The following F12 variants were observed in gnomAD, a reference collection of about 807,000 sequenced individuals.
F12 encodes the protein coagulation factor XII, also known as Hageman factor.
A neutral mutation model predicts 74.8 loss-of-function variants in F12; 70 were observed. The observed-to-expected ratio is 0.94, with a 90% CI of 0.77 to 1.14. F12 has a LOEUF of 1.14. F12 is among the 50% of genes most tolerant of loss of function. F12 has a pLI of 0.00. For missense variants in F12, 811 were observed against 835.7 expected, an observed-to-expected ratio of 0.97 and a Z score of 0.36; for synonymous variants, 373 against 356.4, an observed-to-expected ratio of 1.05 and a Z score of -0.52.
At chr5:177,404,962 C>A (rs756764816) in intron 6 of F12, 48 bp from the exon 7 acceptor site, 2 of 1,585,962 alleles carry the variant, frequency 1.3e-6, no homozygotes, top group Admixed American at 1.8e-5. Flanking sequence ...AAGACCCCCC[C>A]AGAGAGCTCT....
chr5:177,405,114 C>T lies in F12; in HGVS notation c.469G>A (p.Ala157Thr). ...CCCTTGCACTGGCATCTGGCCACAG[C>T]TGCTTGCTCAGTTCTATACCATATC... ...NEIWYRTEQAAVARCQCKGPD... is the reference protein window; with the variant it reads ...NEIWYRTEQATVARCQCKGPD... Residue 157 changes from alanine (A) to threonine (T), a missense_variant, in exon 6 of 14, where the codon GCT becomes ACT. Transcript: ENST00000253496. 6.2e-7 allele frequency: 1 copy of T among 1,613,830 alleles called. No individual in the cohort carries two copies. Among genetic ancestry groups the T allele is most frequent in the South Asian group, 1.1e-5 (1 of 91,086 alleles).
chr5:177,405,220 T>C, intron 5 of F12, 35 bp from the exon 6 acceptor site: 1 of 1,613,348 alleles, frequency 6.2e-7, no homozygotes, highest in Non-Finnish European at 8.5e-7. Flanking sequence ...CTCAGGAGAG[T>C]CTAGGACCAT....
intron 12 of F12, 141 bp downstream of exon 12, chr5:177,403,113 C>A: frequency 9.2e-7 from 1 of 1,086,154 alleles, no homozygotes; most frequent in Admixed American, 2.1e-5. Context: ...TGGGATTCAC[C>A]TACACATTCT....
intron 2 of F12, 68 bp downstream of exon 2, chr5:177,408,978 G>T: frequency 6.8e-7 from 1 of 1,468,360 alleles, no homozygotes; most frequent in Non-Finnish European, 9.3e-7. Context: ...ACTGCCCTGA[G>T]ACTGCACACA....
Position 177,409,558 on chromosome 5 carries a change from C to G in F12, c.-31G>C. Reference sequence around the variant, plus strand: ...CCGTCCGTTGGTCCAGCTGCCTATCCAGGAGTCCAGATCAATAGGACTGGC... The same window carrying G: ...CCGTCCGTTGGTCCAGCTGCCTATCGAGGAGTCCAGATCAATAGGACTGGC... On this transcript the variant is annotated 5_prime_UTR_variant, in exon 1 of 14. Coordinates refer to ENST00000253496, the MANE Select transcript of F12 (RefSeq NM_000505.4). 1 of 1,611,414 alleles carries G rather than the reference C, an allele frequency of 6.2e-7. No individual in the cohort carries two copies. Among genetic ancestry groups the G allele is most frequent in the Non-Finnish European group, 8.5e-7 (1 of 1,177,826 alleles).
chr5:177,405,860 C>G (rs1434990554), intron 3 of F12, 55 bp from the exon 4 acceptor site: 17 of 1,605,270 alleles, frequency 1.1e-5, no homozygotes, highest in Non-Finnish European at 1.5e-5. Context: ...CCCACCCTGC[C>G]CTATCACAGT....
rs1487612411 is a variant in F12 at position 177,404,608 on chromosome 5, T to G, written c.691A>C (p.Thr231Pro). 1 of 1,607,508 alleles carries G rather than the reference T, an allele frequency of 6.2e-7. No homozygotes were observed. The highest frequency in any genetic ancestry group is 8.5e-7 in the Non-Finnish European group (1 of 1,179,440). ...RGLSYRGLARTTLSGAPCQPW... is the reference protein window; with the variant it reads ...RGLSYRGLARPTLSGAPCQPW... ...TGACAGGGCGCACCCGAGAGCGTGG[T>G]CCTGGCCAGGCCGCGGTAGCTGAGC... is the stretch of plus-strand genomic sequence containing the variant. The change falls in exon 8 of 14, where the codon ACC becomes CCC. Residue 231 changes from threonine (T) to proline (P), a missense_variant. By Grantham distance (38) the Thr-to-Pro change is conservative. Coordinates refer to ENST00000253496, the MANE Select transcript of F12 (RefSeq NM_000505.4).
chr5:177,404,172 TC>T (rs1763221736), intron 9 of F12, 23 bp downstream of exon 9: 8 of 1,537,436 alleles, frequency 5.2e-6, no homozygotes, highest in Non-Finnish European at 7.0e-6. Flanking sequence ...TCTCGGCTCC[TC>T]CTTCCCCCCC....
Position 177,403,964 on chromosome 5 carries a change from C to T in F12, c.1145G>A (p.Gly382Glu), listed in dbSNP as rs1356474224. Reference protein sequence around the residue: ...RVVGGLVALRGAHPYIAALYW... With the variant: ...RVVGGLVALREAHPYIAALYW... Reference sequence around the variant, plus strand: ...CAGCGCGGCGATGTAGGGGTGCGCCCCGCGTAGCGCCACCAGCCCGCCAAC... The same window carrying T: ...CAGCGCGGCGATGTAGGGGTGCGCCTCGCGTAGCGCCACCAGCCCGCCAAC... The change falls in exon 10 of 14, where the codon GGG becomes GAG. Residue 382 changes from glycine (G) to glutamate (E), a missense_variant. Coordinates refer to ENST00000253496, the MANE Select transcript of F12 (RefSeq NM_000505.4). 1.2e-6 allele frequency: 2 copies of T among 1,602,250 alleles called. No individual in the cohort carries two copies. Among genetic ancestry groups the T allele is most frequent in the Admixed American group, 1.7e-5 (1 of 59,750 alleles).
At chr5:177,403,677 A>C (rs1241385608) in intron 10 of F12, 60 bp from the exon 11 acceptor site, 1 of 1,576,366 alleles carries the variant, frequency 6.3e-7, no homozygotes, top group Non-Finnish European at 8.6e-7. Context: ...GTTCTGGGGA[A>C]GCCCCCTGCT....
chr5:177,402,957 C>T, intron 12 of F12: 1 of 675,206 alleles, frequency 1.5e-6, no homozygotes. Context: ...ACCTGGCTCC[C>T]ACACTAGCCC....
Position 177,404,179 on chromosome 5 carries a change from C to A in F12, c.1018+17G>T. The A allele has an allele frequency of 6.3e-7, 1 of 1,590,416 alleles. No homozygotes were observed. Among genetic ancestry groups the A allele is most frequent in the Non-Finnish European group, 8.6e-7 (1 of 1,168,064 alleles). On this transcript the variant is annotated intron_variant, in intron 9 of 13. Transcript: ENST00000253496. ...CGGCGCCCTCTCGGCTCCTCCTTCCCCCCCCCACTTCCTAACCTCCCGGGG... is the reference window on the plus strand; with the variant it reads ...CGGCGCCCTCTCGGCTCCTCCTTCCACCCCCCACTTCCTAACCTCCCGGGG...
intron 1 of F12, 101 bp downstream of exon 1, chr5:177,409,370 T>A: frequency 7.1e-7 from 1 of 1,403,258 alleles, no homozygotes. Flanking sequence ...GGCCTCCTAG[T>A]CACCTGGACC....
Position 177,404,823 on chromosome 5 carries a change from G to A in F12, c.621C>T (p.Ala207=), listed in dbSNP as rs897277779. Residue 207 remains alanine (A), a synonymous_variant, in exon 7 of 14, where the codon GCC becomes GCT. Coordinates refer to ENST00000253496, the MANE Select transcript of F12 (RefSeq NM_000505.4). The part of the protein sequence containing the change: ...LCHCPVGYTG[A]FCDVDTKASC... ...ACCCTCACTCACCCACGTCGCAGAA[G>A]GCTCCGGTGTAGCCCACCGGGCAGT... 3 of 1,607,716 alleles carry A rather than the reference G, an allele frequency of 1.9e-6. No homozygotes were observed. The Admixed American group carries it at 5.0e-5, about 27-fold the overall frequency.
intron 2 of F12, 85 bp downstream of exon 2, chr5:177,408,961 A>T: frequency 7.6e-7 from 1 of 1,318,522 alleles, no homozygotes; most frequent in Non-Finnish European, 1.1e-6. Flanking sequence ...GGTAGGCACT[A>T]GACTAGACTG....
chr5:177,409,481 G>C lies in F12; in HGVS notation c.47C>G (p.Ser16Ter). 6.2e-7 allele frequency: 1 copy of C among 1,614,018 alleles called. No homozygotes were observed. Among genetic ancestry groups the C allele is most frequent in the South Asian group, 1.1e-5 (1 of 91,066 alleles). Residue 16 changes from serine (S) to a stop codon, truncating the protein, a stop_gained, in exon 1 of 14, where the codon TCA becomes TGA. Transcript: ENST00000253496. LOFTEE classifies it high-confidence loss of function. Reference protein sequence around the residue: ...LLGFLLVSLESTLSIPPWEAP... With the variant: ...LLGFLLVSLE ...TCCCACAGCACTCACCGAAAGTGTT[G>C]ACTCCAAGCTCACCAGCAGGAACCC... is the stretch of plus-strand genomic sequence containing the variant.
intron 1 of F12, 25 bp from the exon 2 acceptor site, chr5:177,409,128 G>C: frequency 6.5e-7 from 1 of 1,549,844 alleles, no homozygotes. Context: ...AGAAGGCAGG[G>C]AACTGACTAT....
At chr5:177,408,016 A>G (rs1383970562) in intron 2 of F12, among the ~76,000 whole-genome samples, 1 of 151,670 alleles carries the variant, frequency 6.6e-6, no homozygotes, top group East Asian at 1.9e-4. Context: ...GGTAAGGTCC[A>G]TCTGGTTCAC....
intron 10 of F12, 96 bp from the exon 11 acceptor site, chr5:177,403,713 C>T: frequency 2.0e-6 from 3 of 1,533,030 alleles, no homozygotes; most frequent in African/African-American, 1.4e-5. Context: ...CGTGTTCCAG[C>T]TTCCTCCCCG....
Sources: allele counts gnomAD v4.1 joint callset (sites outside exome capture counted in the v4.1 genomes callset), GRCh38; gene constraint gnomAD v4.1.1; transcripts MANE v1.5; gene names NCBI Gene and HGNC (gene_info 2026-07-23, HGNC 2026-07-21).